Variants in MAP6D1 observed in about 807,000 individuals in gnomAD.
MAP6D1 encodes MAP6 domain containing 1.
MAP6D1 carries 13 observed loss-of-function variants against 17.4 expected under a neutral mutation model. The observed-to-expected ratio is 0.75, with a 90% CI of 0.49 to 1.19. The LOEUF is 1.19. Ranked by LOEUF, MAP6D1 falls within the 50% of genes most tolerant of loss-of-function variation. The pLI, the probability that MAP6D1 is intolerant of heterozygous loss-of-function variation, is 0.00. For missense variants in MAP6D1, 313 were observed against 312.6 expected, an observed-to-expected ratio of 1.00 and a Z score of -0.01; for synonymous variants, 141 against 145.7, an observed-to-expected ratio of 0.97 and a Z score of 0.23.
At chr3:183,822,551 TA>T (rs1348163105) in intron 1 of MAP6D1, among the ~76,000 whole-genome samples, 2 of 152,252 alleles carry the variant, frequency 1.3e-5, no homozygotes, top group African/African-American at 2.4e-5. Flanking sequence ...TTGACAAATG[TA>T]ACCACTTGGG....
chr3:183,819,615 A>G (rs1320849046), intron 1 of MAP6D1, among the ~76,000 whole-genome samples: 1 of 152,200 alleles, frequency 6.6e-6, no homozygotes, highest in South Asian at 2.1e-4. Context: ...AAACAGACTC[A>G]TGGCTCAGGC....
At position 183,825,287 on chromosome 3, in the gene MAP6D1, C is replaced by G. The variant is rs550615432; in HGVS notation, c.261G>C (p.Pro87=). Residue 87 remains proline, a synonymous_variant, in exon 1 of 3, where the codon CCG becomes CCC. Coordinates refer to ENST00000318631, the MANE Select transcript of MAP6D1 (RefSeq NM_024871.4). ...TTPAGPKDPP[P]GRGPGAGGRR... ...GGCCGCCCGCCCCCGGTCCGCGCCC[C>G]GGCGGCGGATCCTTGGGCCCGGCGG... 1.0e-5 allele frequency: 14 copies of G among 1,336,366 alleles called. No individual in the cohort carries two copies. The highest frequency in any genetic ancestry group is 3.1e-5 in the East Asian group (1 of 32,004). The allele number at this position is 1,336,366 out of a possible 1,614,324, so 82.8% of individuals were successfully genotyped here.
At chr3:183,819,239 G>A (rs1727189105) in intron 1 of MAP6D1, among the ~76,000 whole-genome samples, 1 of 152,276 alleles carries the variant, frequency 6.6e-6, no homozygotes, top group African/African-American at 2.4e-5. Context: ...GCCAGCACTG[G>A]GGTGCCAGGA....
intron 1 of MAP6D1, among the ~76,000 whole-genome samples, chr3:183,818,834 G>T (rs563017071): frequency 9.2e-5 from 14 of 152,180 alleles, no homozygotes; most frequent in Non-Finnish European, 1.3e-4. Context: ...AGCCTGTGGC[G>T]GGGAGGGTGG....
chr3:183,824,517 ATACG>A (rs1393933745), intron 1 of MAP6D1, among the ~76,000 whole-genome samples: 3 of 152,144 alleles, frequency 2.0e-5, no homozygotes, highest in African/African-American at 7.2e-5. Context: ...GATCAAGGAG[ATACG>A]TATTTTGTTG....
rs1209862051 is a variant in MAP6D1, at chr3:183,816,449, G to C, written c.*907C>G. 1 of 152,332 alleles carries C rather than the reference G, an allele frequency of 6.6e-6. No homozygotes were observed. Among genetic ancestry groups the C allele is most frequent in the African/African-American group, 2.4e-5 (1 of 41,458 alleles). 9.4% of individuals were successfully genotyped at this position (152,332 alleles called of 1,614,324 possible). A position where few individuals can be genotyped will look rare whatever the true frequency, so the allele number is the denominator to read the frequency against. On this transcript the variant is annotated 3_prime_UTR_variant, in exon 3 of 3. Transcript: ENST00000318631. Reference sequence around the variant, plus strand: ...GGAATTTACGGAGGAAGTTAGGAGAGAGCTTTGCAAAGAAAATGAACTGCC... The same window carrying C: ...GGAATTTACGGAGGAAGTTAGGAGACAGCTTTGCAAAGAAAATGAACTGCC...
rs78754443 is a variant in MAP6D1 at position 183,819,841 on chromosome 3, G to A, written c.402-1730C>T. Among the ~76,000 whole-genome samples, 1,062 of 152,292 alleles carry A rather than the reference G, an allele frequency of 7.0e-3. 9 individuals are homozygous for A. Among genetic ancestry groups the A allele is most frequent in the African/African-American group, 0.024 (1,015 of 41,548 alleles). ...TGAGGCTGTTGTGAGTCTTCGTTTC[G>A]GGCACTCAGTAAAGTGGGGCCAAGT... On this transcript the variant is annotated intron_variant, in intron 1 of 2. Transcript: ENST00000318631.
At chr3:183,824,043 C>G (rs1160811613) in intron 1 of MAP6D1, among the ~76,000 whole-genome samples, 1 of 152,118 alleles carries the variant, frequency 6.6e-6, no homozygotes, top group Admixed American at 6.5e-5. Flanking sequence ...TTTTGGTATG[C>G]GTATATTTAA....
At chr3:183,820,824 G>C (rs377635772) in intron 1 of MAP6D1, among the ~76,000 whole-genome samples, 56 of 148,528 alleles carry the variant, frequency 3.8e-4, no homozygotes, top group African/African-American at 1.1e-3. Context: ...GGAGAATGGC[G>C]TGAACCCGGG....
chr3:183,818,729 A>G (rs1025257518), intron 1 of MAP6D1, among the ~76,000 whole-genome samples: 1 of 152,230 alleles, frequency 6.6e-6, no homozygotes, highest in Non-Finnish European at 1.5e-5. Flanking sequence ...ATGCAGAAGA[A>G]TGGATCGCAG....
chr3:183,824,057 C>A (rs1470804523), intron 1 of MAP6D1, among the ~76,000 whole-genome samples: 2 of 152,192 alleles, frequency 1.3e-5, no homozygotes, highest in East Asian at 3.9e-4. Flanking sequence ...TATTTAAGAT[C>A]CGCTGGGTTT....
chr3:183,824,746 A>C (rs1354369040), intron 1 of MAP6D1, among the ~76,000 whole-genome samples: 2 of 152,198 alleles, frequency 1.3e-5, no homozygotes, highest in Non-Finnish European at 2.9e-5. Context: ...CAACGCCCGC[A>C]CACTAGGCAG....
intron 1 of MAP6D1, among the ~76,000 whole-genome samples, chr3:183,822,521 AACAT>A (rs1479625776): frequency 6.6e-6 from 1 of 152,240 alleles, no homozygotes; most frequent in East Asian, 1.9e-4. Context: ...ATCCATTAAA[AACAT>A]ACAGCTGGAT....
chr3:183,821,905 T>G (rs901265509), intron 1 of MAP6D1, among the ~76,000 whole-genome samples: 7 of 151,844 alleles, frequency 4.6e-5, no homozygotes, highest in Non-Finnish European at 8.8e-5. Flanking sequence ...AGGAGATCCG[T>G]CCATCTCGGC....
At chr3:183,819,733 A>G (rs1727203123) in intron 1 of MAP6D1, among the ~76,000 whole-genome samples, 1 of 152,206 alleles carries the variant, frequency 6.6e-6, no homozygotes, top group South Asian at 2.1e-4. Flanking sequence ...CTGGGTTCTC[A>G]GCCCAACATG....
intron 1 of MAP6D1, among the ~76,000 whole-genome samples, chr3:183,821,930 G>A (rs1038897797): frequency 2.6e-5 from 4 of 151,960 alleles, no homozygotes; most frequent in African/African-American, 7.2e-5. Flanking sequence ...CAAAATGCTG[G>A]GATTACAGGT....
chr3:183,818,199 G>A (rs1426190935), intron 1 of MAP6D1, 88 bp from the exon 2 acceptor site: 9 of 1,078,080 alleles, frequency 8.3e-6, no homozygotes, highest in Admixed American at 3.7e-5. Context: ...CCCCATGCAC[G>A]GCCCTGCCAA....
intron 1 of MAP6D1, among the ~76,000 whole-genome samples, chr3:183,819,438 G>A (rs919811092): frequency 1.3e-5 from 2 of 152,196 alleles, no homozygotes; most frequent in South Asian, 2.1e-4. Flanking sequence ...TCCTGAGCCC[G>A]CTGCCCTGAG....
Position 183,817,093 on chromosome 3 carries a change from T to A in MAP6D1, c.*263A>T, listed in dbSNP as rs369660922. Reference sequence around the variant, plus strand: ...TCAGGCTCCTCAGAGATTTCAAAACTGAGAGACGGCCAGATGGCAGTTAAC... The same window carrying A: ...TCAGGCTCCTCAGAGATTTCAAAACAGAGAGACGGCCAGATGGCAGTTAAC... On this transcript the variant is annotated 3_prime_UTR_variant, in exon 3 of 3. Transcript: ENST00000318631. The A allele has an allele frequency of 2.1e-6, 1 of 471,682 alleles. No individual in the cohort carries two copies. The allele number at this position is 471,682 out of a possible 1,614,324, so 29.2% of individuals were successfully genotyped here.
Sources: allele counts gnomAD v4.1 joint callset (sites outside exome capture counted in the v4.1 genomes callset), GRCh38; gene constraint gnomAD v4.1.1; transcripts MANE v1.5; gene names NCBI Gene and HGNC (gene_info 2026-07-23, HGNC 2026-07-21).